FSTL5: variants seen among roughly 807,000 people sequenced by gnomAD.
The protein encoded by FSTL5 is follistatin like 5.
A neutral mutation model predicts 89.1 loss-of-function variants in FSTL5; 62 were observed. The observed-to-expected ratio is 0.70, with a 90% confidence interval of 0.57 to 0.86. The LOEUF is 0.86. FSTL5 is among the 40% of genes least tolerant of loss of function. The pLI, the probability that FSTL5 is intolerant of heterozygous loss-of-function variation, is 0.00. For synonymous variants in FSTL5, 383 were observed against 346.2 expected, an observed-to-expected ratio of 1.11 and a Z score of -1.18; for missense variants, 1,057 against 1,001.6, an observed-to-expected ratio of 1.06 and a Z score of -0.75.
intron 6 of FSTL5, among the ~76,000 whole-genome samples, chr4:161,672,806 T>C (rs2126699824): frequency 6.6e-6 from 1 of 151,288 alleles, no homozygotes; most frequent in Admixed American, 6.6e-5. Flanking sequence ...AAGCCTACAA[T>C]TGTTGCCATA....
intron 15 of FSTL5, among the ~76,000 whole-genome samples, chr4:161,411,965 C>A (rs938616901): frequency 6.6e-6 from 1 of 152,076 alleles, no homozygotes; most frequent in Non-Finnish European, 1.5e-5. Flanking sequence ...CTAAAAGGCT[C>A]CTAGAATTGA....
In FSTL5 at chr4:161,720,937, G is replaced by T. The variant is rs79597539; in HGVS notation, c.727+38474C>A. ...TACAAGATGAGTAAGTCCTGGAGATGTACTGTACAGCATAGCACCCGTAGT... is the reference window on the plus strand; with the variant it reads ...TACAAGATGAGTAAGTCCTGGAGATTTACTGTACAGCATAGCACCCGTAGT... On this transcript the variant is annotated intron_variant, in intron 6 of 15. Coordinates refer to ENST00000306100, the MANE Select transcript of FSTL5 (RefSeq NM_020116.5). Among the ~76,000 whole-genome samples the T allele has an allele frequency of 8.2e-4, 125 of 152,214 alleles. 2 individuals carry two copies. In the East Asian group the frequency reaches 0.021, roughly 26 times the overall value.
intron 7 of FSTL5, among the ~76,000 whole-genome samples, chr4:161,650,605 G>A (rs367925647): frequency 7.9e-5 from 12 of 152,164 alleles, no homozygotes; most frequent in African/African-American, 2.6e-4. Context: ...ATATTGAATA[G>A]AATAAATGAC....
intron 8 of FSTL5, among the ~76,000 whole-genome samples, chr4:161,581,049 A>C (rs1733420257): frequency 6.6e-6 from 1 of 152,192 alleles, no homozygotes; most frequent in African/African-American, 2.4e-5. Flanking sequence ...CTAGATGACA[A>C]TCAACTGAAA....
intron 3 of FSTL5, among the ~76,000 whole-genome samples, chr4:162,024,406 C>T (rs1276609961): frequency 7.6e-6 from 1 of 130,806 alleles, no homozygotes; most frequent in African/African-American, 2.8e-5. Context: ...TTCCCTGGCA[C>T]CTAACACTGT....
At chr4:161,963,845 C>T (rs1371898054) in intron 3 of FSTL5, among the ~76,000 whole-genome samples, 1 of 151,984 alleles carries the variant, frequency 6.6e-6, no homozygotes, top group Non-Finnish European at 1.5e-5. Context: ...TTGTAAAATA[C>T]ACTGAGAAGT....
chr4:161,489,331 A>G (rs538573322), intron 12 of FSTL5, among the ~76,000 whole-genome samples: 1 of 152,264 alleles, frequency 6.6e-6, no homozygotes, highest in African/African-American at 2.4e-5. Context: ...AAAGGTAAAC[A>G]TTTGAATAGT....
chr4:161,539,177 T>G lies in FSTL5; in HGVS notation c.1178-877A>C, dbSNP rs540691849. On this transcript the variant is annotated intron_variant, in intron 9 of 15. Coordinates refer to ENST00000306100, the MANE Select transcript of FSTL5 (RefSeq NM_020116.5). ...TTCTGTGTGTATGTGTGTGTGTGCATGCCTGTGTGGGTACTGTGTGTGTGT... is the reference window on the plus strand; with the variant it reads ...TTCTGTGTGTATGTGTGTGTGTGCAGGCCTGTGTGGGTACTGTGTGTGTGT... Among the ~76,000 whole-genome samples the G allele has an allele frequency of 7.2e-4, 109 of 152,020 alleles. 1 individual carries two copies. Among genetic ancestry groups the G allele is most frequent in the African/African-American group, 2.5e-3 (105 of 41,430 alleles).
At chr4:161,716,109 G>A (rs916301126) in intron 6 of FSTL5, among the ~76,000 whole-genome samples, 7 of 151,960 alleles carry the variant, frequency 4.6e-5, no homozygotes, top group African/African-American at 1.2e-4. Flanking sequence ...CTTGGTACAC[G>A]GGTCTCCATC....
chr4:162,058,972 T>C (rs771834674), intron 2 of FSTL5, among the ~76,000 whole-genome samples: 23 of 152,148 alleles, frequency 1.5e-4, no homozygotes, highest in Non-Finnish European at 3.1e-4. Context: ...TTCTTTACCC[T>C]TGGACTAGTG....
In FSTL5 at chr4:161,482,052, G is replaced by C. The variant is rs761870338; in HGVS notation, c.1459-883C>G. Among the ~76,000 whole-genome samples the C allele has an allele frequency of 5.3e-5, 8 of 152,226 alleles. 1 individual carries two copies. Among genetic ancestry groups the C allele is most frequent in the Non-Finnish European group, 1.2e-4 (8 of 68,046 alleles). On this transcript the variant is annotated intron_variant, in intron 12 of 15. Transcript: ENST00000306100. ...AATGTATGTGCAGGCCGGGCGTGGTGGCTCACGCCTGTAATCCCAGCACTT... is the reference window on the plus strand; with the variant it reads ...AATGTATGTGCAGGCCGGGCGTGGTCGCTCACGCCTGTAATCCCAGCACTT...
intron 6 of FSTL5, among the ~76,000 whole-genome samples, chr4:161,673,037 C>T (rs62330771): frequency 0.25 from 37,269 of 151,744 alleles, 5,491 homozygotes; most frequent in Non-Finnish European, 0.31. Context: ...CCTGAGAACT[C>T]AGGTTTTGGG....
intron 2 of FSTL5, among the ~76,000 whole-genome samples, chr4:162,054,080 A>G (rs1451609664): frequency 6.6e-6 from 1 of 151,838 alleles, no homozygotes; most frequent in Non-Finnish European, 1.5e-5. Context: ...ACTGATACAC[A>G]CATTTGAGCA....
At chr4:161,812,517 A>C (rs199588912) in intron 4 of FSTL5, among the ~76,000 whole-genome samples, 31 of 151,332 alleles carry the variant, frequency 2.0e-4, no homozygotes, top group African/African-American at 5.8e-4. Context: ...AGTTAAGAAA[A>C]ACACACACAC....
intron 4 of FSTL5, among the ~76,000 whole-genome samples, chr4:161,919,350 A>G (rs940013866): frequency 3.9e-5 from 6 of 152,162 alleles, no homozygotes; most frequent in Non-Finnish European, 7.4e-5. Flanking sequence ...AGCAGCAACA[A>G]TAACAGAGCA....
intron 3 of FSTL5, among the ~76,000 whole-genome samples, chr4:162,015,127 CT>C (rs1736880965): frequency 6.6e-6 from 1 of 152,072 alleles, no homozygotes; most frequent in South Asian, 2.1e-4. Context: ...AGAGGTAGAA[CT>C]TACAGATATG....
At chr4:161,992,862 ATATATATAT>A (rs1295525431) in intron 3 of FSTL5, among the ~76,000 whole-genome samples, 458 of 38,208 alleles carry the variant, frequency 0.012, 6 homozygotes, top group Non-Finnish European at 0.013. Flanking sequence ...AAAAAAAAAA[ATATATATAT>A]ATATATATAT....
intron 4 of FSTL5, among the ~76,000 whole-genome samples, chr4:161,891,033 C>A (rs1344361620): frequency 6.6e-6 from 1 of 151,906 alleles, no homozygotes; most frequent in African/African-American, 2.4e-5. Context: ...ATGTTCTTGT[C>A]AGTCAAAAAT....
chr4:161,578,923 C>G (rs1733332435), intron 8 of FSTL5, among the ~76,000 whole-genome samples: 1 of 152,062 alleles, frequency 6.6e-6, no homozygotes, highest in South Asian at 2.1e-4. Context: ...TATCTTCATA[C>G]AAACAATGGC....
Sources: allele counts gnomAD v4.1 joint callset (sites outside exome capture counted in the v4.1 genomes callset), GRCh38; gene constraint gnomAD v4.1.1; transcripts MANE v1.5; gene names NCBI Gene and HGNC (gene_info 2026-07-23, HGNC 2026-07-21).